Variants in DMD observed in about 807,000 individuals in gnomAD.
DMD encodes mutant dystrophin.
In DMD, 63 loss-of-function variants were observed where a neutral mutation model predicts 330.1. That is an observed-to-expected ratio of 0.19 (90% confidence interval 0.16 to 0.24). The LOEUF (loss-of-function observed/expected upper bound fraction) is 0.24. Among genes scored for constraint, DMD ranks in the 10% least tolerant of loss-of-function variants. The probability of loss-of-function intolerance (pLI) is 1.00; values close to 1 mark genes in which losing one functional copy is unlikely to be tolerated. For missense variants in DMD, 3,344 were observed against 2,684.1 expected (o/e 1.25, Z -5.43); for synonymous variants, 1,223 against 959.8 (o/e 1.27, Z -5.07).
At chrX:32,876,094 A>G (rs1160004827) in intron 2 of DMD, among the ~76,000 whole-genome samples, 1 of 111,696 alleles carries the variant, frequency 9.0e-6, no homozygotes, top group East Asian at 2.8e-4. Context: ...CCATCAATAC[A>G]TCAAAGACAA....
At position 32,478,583 on chromosome X, in the gene DMD, G is replaced by A. The variant is rs143423375; in HGVS notation, c.2804-6274C>T. On this transcript the variant is annotated intron_variant, in intron 21 of 78. Transcript: ENST00000357033. ...GATAATTACAAGTGCAAGGAAGTCT[G>A]AGTATAACTTGAATTTCTAATGTCA... Among the ~76,000 whole-genome samples the A allele has an allele frequency of 3.8e-3, 421 of 111,893 alleles. 3 individuals are homozygous for A. Among genetic ancestry groups the A allele is most frequent in the African/African-American group, 0.012 (382 of 30,880 alleles).
intron 44 of DMD, among the ~76,000 whole-genome samples, chrX:31,973,006 A>G (rs2095410824): frequency 8.9e-6 from 1 of 112,069 alleles, no homozygotes; most frequent in Non-Finnish European, 1.9e-5. Flanking sequence ...AAATATAGCC[A>G]ATACTGTTTT....
At chrX:31,316,297 G>C (rs1443975291) in intron 62 of DMD, among the ~76,000 whole-genome samples, 2 of 112,180 alleles carry the variant, frequency 1.8e-5, no homozygotes, top group Non-Finnish European at 3.8e-5. Context: ...TTGTTTTGAA[G>C]GTGAAATGAG....
In DMD at chrX:31,158,749, A is replaced by G. The variant is rs1342145163; in HGVS notation, c.10553+10694T>C. On this transcript the variant is annotated intron_variant, in intron 74 of 78. Coordinates refer to ENST00000357033, the MANE Select transcript of DMD (RefSeq NM_004006.3). Reference sequence around the variant, plus strand: ...ATATTACCCCAGTGAAAACAATAAAATCTTATAATGCTTTCTCCTACTATG... The same window carrying G: ...ATATTACCCCAGTGAAAACAATAAAGTCTTATAATGCTTTCTCCTACTATG... Among the ~76,000 whole-genome samples the G allele has an allele frequency of 5.3e-5, 6 of 112,255 alleles. No individual in the cohort carries two copies. In the Admixed American group the frequency reaches 5.7e-4, roughly 11 times the overall value.
chrX:31,449,795 T>TATAG lies in DMD; in HGVS notation c.8938-5172_8938-5169dup, dbSNP rs58546089. 4.3e-3 allele frequency among the ~76,000 whole-genome samples: 351 copies of TATAG among 81,197 alleles called. 1 individual carries two copies. Among genetic ancestry groups the TATAG allele is most frequent in the African/African-American group, 0.012 (233 of 20,240 alleles). 70.5% of individuals were successfully genotyped at this position (81,197 alleles called of 115,157 possible). A position where few individuals can be genotyped will look rare whatever the true frequency, so the allele number is the denominator to read the frequency against. On this transcript the variant is annotated intron_variant, in intron 59 of 78. Coordinates refer to ENST00000357033, the MANE Select transcript of DMD (RefSeq NM_004006.3). ...ATATATATATATATATATATATATA[T>TATAG]ATAGATAGATAGATAGATAGAAATC...
rs2058390381 is a variant in DMD at position 32,627,074 on chromosome X, G to A, written c.1332-12621C>T. Among the ~76,000 whole-genome samples, 2 of 103,081 alleles carry A rather than the reference G, an allele frequency of 1.9e-5. 1 individual carries two copies. The highest frequency in any genetic ancestry group is 8.4e-5 in the African/African-American group (2 of 23,914). 89.5% of individuals were successfully genotyped at this position (103,081 alleles called of 115,157 possible). The stretch of plus-strand genomic sequence containing the variant: ...TATCTGGGAATGGAGCCCAGGTATT[G>A]GTTCTGTAAAAAACTATCCAACCAG... On this transcript the variant is annotated intron_variant, in intron 11 of 78. Transcript: ENST00000357033.
intron 47 of DMD, among the ~76,000 whole-genome samples, chrX:31,885,507 G>A (rs2094138598): frequency 9.3e-6 from 1 of 108,093 alleles, no homozygotes; most frequent in African/African-American, 3.4e-5. Flanking sequence ...CTACTCTGGA[G>A]GCTGAGGCAG....
At chrX:32,890,677 G>C (rs767265070) in intron 2 of DMD, among the ~76,000 whole-genome samples, 1 of 111,428 alleles carries the variant, frequency 9.0e-6, no homozygotes, top group South Asian at 3.8e-4. Flanking sequence ...CTAAAAAAAA[G>C]AAATTCGGGA....
chrX:32,521,404 C>T (rs1046593184), intron 17 of DMD, among the ~76,000 whole-genome samples: 1 of 111,890 alleles, frequency 8.9e-6, no homozygotes, highest in African/African-American at 3.3e-5. Flanking sequence ...ATTTCTATGA[C>T]CATTGGTAAT....
At chrX:31,225,239 T>C (rs1175594318) in intron 63 of DMD, among the ~76,000 whole-genome samples, 1 of 112,398 alleles carries the variant, frequency 8.9e-6, no homozygotes, top group African/African-American at 3.2e-5. Flanking sequence ...TGGTCAGTTG[T>C]CTTAATCAGG....
At chrX:32,375,800 C>T (rs914401005) in intron 34 of DMD, among the ~76,000 whole-genome samples, 1 of 111,565 alleles carries the variant, frequency 9.0e-6, no homozygotes, top group African/African-American at 3.3e-5. Flanking sequence ...CACACTGCAA[C>T]ATTTAAGGTG....
chrX:32,687,871 G>A (rs191669191), intron 9 of DMD, among the ~76,000 whole-genome samples: 30 of 111,550 alleles, frequency 2.7e-4, no homozygotes, highest in African/African-American at 9.8e-4. Context: ...CATTACACAG[G>A]TATGCCAAGA....
intron 2 of DMD, among the ~76,000 whole-genome samples, chrX:32,879,006 TC>T (rs1262145738): frequency 1.2e-5 from 1 of 84,188 alleles, no homozygotes; most frequent in African/African-American, 4.5e-5. Context: ...AGACTACGTC[TC>T]AAAAAAAAAA....
intron 44 of DMD, among the ~76,000 whole-genome samples, chrX:32,084,650 G>A (rs2096417598): frequency 9.0e-6 from 1 of 111,630 alleles, no homozygotes; most frequent in Non-Finnish European, 1.9e-5. Context: ...GTTTGCAATA[G>A]GGAACATATT....
chrX:32,475,446 G>A (rs1342368934), intron 21 of DMD, among the ~76,000 whole-genome samples: 1 of 111,456 alleles, frequency 9.0e-6, no homozygotes, highest in African/African-American at 3.3e-5. Context: ...GCCTTTGGCA[G>A]TATGGTCATT....
At chrX:31,824,339 C>A (rs2092843434) in intron 49 of DMD, among the ~76,000 whole-genome samples, 1 of 110,616 alleles carries the variant, frequency 9.0e-6, no homozygotes, top group African/African-American at 3.3e-5. Flanking sequence ...TCTTGGCTCA[C>A]TGCAACCTTT....
chrX:32,807,147 AAACATCAAC>A (rs1485968349), intron 7 of DMD, among the ~76,000 whole-genome samples: 2 of 104,345 alleles, frequency 1.9e-5, no homozygotes, highest in Non-Finnish European at 3.9e-5. Context: ...AAAAAAAAAA[AAACATCAAC>A]AAATCCAGGA....
intron 50 of DMD, among the ~76,000 whole-genome samples, chrX:31,816,794 T>TCA (rs759346277): frequency 0.14 from 11,635 of 85,254 alleles, 623 homozygotes; most frequent in South Asian, 0.25. Flanking sequence ...CAAGATTCTG[T>TCA]CACACACACA....
At chrX:32,057,235 T>C (rs1466427749) in intron 44 of DMD, among the ~76,000 whole-genome samples, 3 of 111,782 alleles carry the variant, frequency 2.7e-5, no homozygotes, top group Non-Finnish European at 5.7e-5. Context: ...TTTTGCCACT[T>C]CTTTTCAAAA....
Sources: allele counts gnomAD v4.1 joint callset (sites outside exome capture counted in the v4.1 genomes callset), GRCh38; gene constraint gnomAD v4.1.1; transcripts MANE v1.5; gene names NCBI Gene and HGNC (gene_info 2026-07-23, HGNC 2026-07-21).